OSBPL8: variants seen among roughly 807,000 people sequenced by gnomAD.
OSBPL8 encodes the protein oxysterol binding protein like 8.
Under a neutral mutation model 125.5 loss-of-function variants are expected in OSBPL8, and 59 were observed. The ratio of observed to expected loss-of-function variants is 0.47; its 90% CI spans 0.38 to 0.58. The LOEUF (loss-of-function observed/expected upper bound fraction) is 0.58, where lower values mean the gene tolerates loss of function less well. Ranked by LOEUF, OSBPL8 falls within the 20% of genes least tolerant of loss-of-function variation. The pLI, the probability that OSBPL8 is intolerant of heterozygous loss-of-function variation, is 0.00. For missense variants in OSBPL8, 758 were observed against 1,047.8 expected (o/e 0.72, Z 3.82); for synonymous variants, 330 against 338.9 (o/e 0.97, Z 0.29).
chr12:76,426,803 T>C (rs1870205660), intron 4 of OSBPL8, among the ~76,000 whole-genome samples: 1 of 152,168 alleles, frequency 6.6e-6, no homozygotes, highest in Admixed American at 6.6e-5. Context: ...GCTATTATTA[T>C]GTCCAGGATC....
At chr12:76,457,673 A>G (rs968364451) in intron 3 of OSBPL8, among the ~76,000 whole-genome samples, 13 of 152,216 alleles carry the variant, frequency 8.5e-5, no homozygotes, top group African/African-American at 3.1e-4. Flanking sequence ...TTGGCAGAGT[A>G]CATGATAAAG....
At chr12:76,429,457 A>G (rs181653637) in intron 4 of OSBPL8, among the ~76,000 whole-genome samples, 3 of 148,636 alleles carry the variant, frequency 2.0e-5, no homozygotes, top group Admixed American at 1.4e-4. Flanking sequence ...TTATTCCCAC[A>G]AAGTATTAAA....
At chr12:76,399,791 A>G in intron 7 of OSBPL8, 82 bp downstream of exon 7, 1 of 1,012,894 alleles carries the variant, frequency 9.9e-7, no homozygotes, top group Non-Finnish European at 1.4e-6. Context: ...TTTGTCTTGT[A>G]GGCGTTAGGT....
At chr12:76,492,283 G>T (rs1878800315) in intron 1 of OSBPL8, among the ~76,000 whole-genome samples, 1 of 152,168 alleles carries the variant, frequency 6.6e-6, no homozygotes, top group African/African-American at 2.4e-5. Flanking sequence ...AGCTGCCAGT[G>T]CCAAGGTCCT....
intron 10 of OSBPL8, among the ~76,000 whole-genome samples, chr12:76,391,313 C>G (rs967926660): frequency 6.6e-6 from 1 of 152,034 alleles, no homozygotes; most frequent in Non-Finnish European, 1.5e-5. Flanking sequence ...TTAATCTACC[C>G]TATTCTCACT....
chr12:76,451,339 CAA>C (rs34170128), intron 3 of OSBPL8, among the ~76,000 whole-genome samples: 6 of 145,972 alleles, frequency 4.1e-5, no homozygotes, highest in South Asian at 4.4e-4. Context: ...AGTCATTTCC[CAA>C]AAAAAAAAAT....
At chr12:76,496,084 C>T (rs1451411588) in intron 1 of OSBPL8, among the ~76,000 whole-genome samples, 3 of 152,186 alleles carry the variant, frequency 2.0e-5, no homozygotes, top group Non-Finnish European at 4.4e-5. Context: ...AGCCCATCCA[C>T]TGACTTTTAA....
chr12:76,414,315 A>C (rs1868356991), intron 4 of OSBPL8, among the ~76,000 whole-genome samples: 1 of 152,054 alleles, frequency 6.6e-6, no homozygotes, highest in Non-Finnish European at 1.5e-5. Flanking sequence ...GTCAATATTT[A>C]ACCATTAAGT....
At chr12:76,551,533 T>A (rs1304437026) in intron 1 of OSBPL8, among the ~76,000 whole-genome samples, 1 of 152,196 alleles carries the variant, frequency 6.6e-6, no homozygotes, top group African/African-American at 2.4e-5. Context: ...CAGACTTGTA[T>A]AGATTTTCTC....
chr12:76,496,836 G>A (rs1592790044), intron 1 of OSBPL8, among the ~76,000 whole-genome samples: 1 of 152,050 alleles, frequency 6.6e-6, no homozygotes, highest in Non-Finnish European at 1.5e-5. Context: ...GCCACCGTGC[G>A]TGGCCTTGGC....
intron 1 of OSBPL8, among the ~76,000 whole-genome samples, chr12:76,553,750 TGGATC>T (rs977276916): frequency 1.3e-5 from 2 of 150,450 alleles, no homozygotes; most frequent in African/African-American, 4.9e-5. Flanking sequence ...ACGAGGCAGG[TGGATC>T]ACTTTACGTC....
chr12:76,410,745 C>T (rs1954481236), intron 4 of OSBPL8, 111 bp from the exon 5 acceptor site: 4 of 700,380 alleles, frequency 5.7e-6, no homozygotes, highest in African/African-American at 3.5e-5. Flanking sequence ...GAAGCCTGTA[C>T]ACACAGCTTT....
chr12:76,441,930 A>G (rs1307100147), intron 4 of OSBPL8, among the ~76,000 whole-genome samples: 5 of 152,196 alleles, frequency 3.3e-5, no homozygotes, highest in Non-Finnish European at 5.9e-5. Context: ...TAAAGTAACT[A>G]AAACAGTATA....
intron 1 of OSBPL8, among the ~76,000 whole-genome samples, chr12:76,553,233 C>T (rs1950993907): frequency 6.6e-6 from 1 of 152,150 alleles, no homozygotes. Context: ...CCCCAGCCTT[C>T]CTTGTAAAAA....
At chr12:76,413,074 A>C (rs1287445599) in intron 4 of OSBPL8, among the ~76,000 whole-genome samples, 1 of 152,204 alleles carries the variant, frequency 6.6e-6, no homozygotes, top group Non-Finnish European at 1.5e-5. Context: ...TTCATAAATT[A>C]ATCAAAAATT....
rs1328147246 is a variant in OSBPL8, at chr12:76,423,320, CATT to C, written c.218-12689_218-12687del. ...TTGCCTCCAGCAGGGATATATGAGT[CATT>C]AAGACAGTGTTAGCGCAAACCAATC... On this transcript the variant is annotated intron_variant, in intron 4 of 23. Transcript: ENST00000261183. 6.6e-5 allele frequency: 10 copies of C among 151,936 alleles called. No individual in the cohort carries two copies. The South Asian group carries it at 8.5e-4, about 13-fold the overall frequency. 9.4% of individuals were successfully genotyped at this position (151,936 alleles called of 1,614,324 possible). A position where few individuals can be genotyped will look rare whatever the true frequency, so the allele number is the denominator to read the frequency against.
intron 4 of OSBPL8, among the ~76,000 whole-genome samples, chr12:76,436,818 C>G (rs1157282128): frequency 1.3e-5 from 2 of 152,096 alleles, no homozygotes; most frequent in East Asian, 3.9e-4. Flanking sequence ...TTATAAATAC[C>G]TCCCACTCTT....
At chr12:76,525,232 T>C (rs1372745402) in intron 1 of OSBPL8, among the ~76,000 whole-genome samples, 1 of 152,188 alleles carries the variant, frequency 6.6e-6, no homozygotes, top group Non-Finnish European at 1.5e-5. Flanking sequence ...TTTATGTCAT[T>C]AAGAAATTTT....
At chr12:76,542,859 C>G (rs1235947001) in intron 1 of OSBPL8, among the ~76,000 whole-genome samples, 1 of 152,166 alleles carries the variant, frequency 6.6e-6, no homozygotes, top group African/African-American at 2.4e-5. Context: ...TGTTATCTTT[C>G]TCATATTTTT....
Sources: allele counts gnomAD v4.1 joint callset (sites outside exome capture counted in the v4.1 genomes callset), GRCh38; gene constraint gnomAD v4.1.1; transcripts MANE v1.5; gene names NCBI Gene and HGNC (gene_info 2026-07-23, HGNC 2026-07-21).